The following UBTD2 variants were observed in gnomAD, a reference collection of about 807,000 sequenced individuals.
UBTD2 encodes ubiquitin domain containing 2.
Under a neutral mutation model 19.8 loss-of-function variants are expected in UBTD2, and 9 were observed. The observed-to-expected ratio is 0.46, with a 90% confidence interval of 0.27 to 0.79. The LOEUF (loss-of-function observed/expected upper bound fraction) is 0.79, where lower values mean the gene tolerates loss of function less well. Among genes scored for constraint, UBTD2 ranks in the 30% least tolerant of loss-of-function variants. UBTD2 has a pLI of 0.14. For missense variants in UBTD2, 250 were observed against 300.4 expected (o/e 0.83, Z 1.24); for synonymous variants, 98 against 103.9 (o/e 0.94, Z 0.35).
chr5:172,232,709 A>G (rs1771927363), intron 2 of UBTD2, among the ~76,000 whole-genome samples: 1 of 152,066 alleles, frequency 6.6e-6, no homozygotes, highest in Non-Finnish European at 1.5e-5. Context: ...AAACAAAACA[A>G]AACAAAACAA....
chr5:172,225,314 TTC>T (rs1285703504), intron 2 of UBTD2, among the ~76,000 whole-genome samples: 1 of 152,246 alleles, frequency 6.6e-6, no homozygotes, highest in African/African-American at 2.4e-5. Context: ...GCTCAGATGT[TTC>T]TGTTTTCCTT....
At chr5:172,254,565 C>T (rs1019991889) in intron 1 of UBTD2, 2 of 631,190 alleles carry the variant, frequency 3.2e-6, no homozygotes, top group Non-Finnish European at 5.7e-6. Context: ...TTCTGTGTGT[C>T]GTCTTCTGTG....
rs1168877863 is a variant in UBTD2 at position 172,283,535 on chromosome 5, A to AGGTGGCCGGGCCT, written c.70+48_70+60dup. On this transcript the variant is annotated intron_variant, in intron 1 of 2. Coordinates refer to ENST00000393792, the MANE Select transcript of UBTD2 (RefSeq NM_152277.3). The surrounding 1 kb of genome is among the most constrained non-coding windows in gnomAD (Gnocchi z 4.3). Reference sequence around the variant, plus strand: ...CGGCGCGGCCCGCGGGGGTCGGGACAGGTGGCCGGGCCTGGCCGGGAACAA... The same window carrying AGGTGGCCGGGCCT: ...CGGCGCGGCCCGCGGGGGTCGGGACAGGTGGCCGGGCCTGGTGGCCGGGCCTGGCCGGGAACAA... The AGGTGGCCGGGCCT allele has an allele frequency of 8.1e-7, 1 of 1,232,692 alleles. No individual in the cohort carries two copies. Among genetic ancestry groups the AGGTGGCCGGGCCT allele is most frequent in the Non-Finnish European group, 1.0e-6 (1 of 973,440 alleles). 76.4% of individuals were successfully genotyped at this position (1,232,692 alleles called of 1,614,324 possible).
chr5:172,258,675 C>T (rs989278580), intron 1 of UBTD2, among the ~76,000 whole-genome samples: 9 of 152,224 alleles, frequency 5.9e-5, no homozygotes, highest in Admixed American at 5.9e-4. Flanking sequence ...CTTTCACTTC[C>T]CGCGTTGGCT....
intron 1 of UBTD2, among the ~76,000 whole-genome samples, chr5:172,256,061 C>T (rs1371005527): frequency 1.3e-5 from 2 of 151,896 alleles, no homozygotes; most frequent in Non-Finnish European, 2.9e-5. Context: ...TGCACTCCAG[C>T]CTGGGCAATA....
intron 2 of UBTD2, among the ~76,000 whole-genome samples, chr5:172,222,534 A>G (rs1254555356): frequency 6.6e-6 from 1 of 152,362 alleles, no homozygotes; most frequent in East Asian, 1.9e-4. Flanking sequence ...ACAAATGGAT[A>G]CAATGAAAAT....
rs184353163 is a variant in UBTD2 at position 172,225,522 on chromosome 5, C to T, written c.307+8600G>A. On this transcript the variant is annotated intron_variant, in intron 2 of 2. Transcript: ENST00000393792. ...TATTTTTCAGCATTTAAAGGCCTCACTGTTTATCCCTCTGTGCTCTCACTC... is the reference window on the plus strand; with the variant it reads ...TATTTTTCAGCATTTAAAGGCCTCATTGTTTATCCCTCTGTGCTCTCACTC... Among the ~76,000 whole-genome samples the T allele has an allele frequency of 5.1e-4, 78 of 152,288 alleles. No individual in the cohort carries two copies. In the East Asian group the frequency reaches 0.013, roughly 25 times the overall value.
chr5:172,253,229 TC>T (rs1307902913), intron 1 of UBTD2, among the ~76,000 whole-genome samples: 4 of 152,068 alleles, frequency 2.6e-5, no homozygotes, highest in Non-Finnish European at 5.9e-5. Flanking sequence ...ATGACTACGA[TC>T]ATTACAAAAT....
chr5:172,235,004 T>G (rs1472551023), intron 1 of UBTD2, among the ~76,000 whole-genome samples: 1 of 152,210 alleles, frequency 6.6e-6, no homozygotes, highest in African/African-American at 2.4e-5. Context: ...AAGGAGGCTA[T>G]GTATGTGTAG....
rs1175413571 is a variant in UBTD2 at position 172,241,413 on chromosome 5, TAAA to T, written c.71-7058_71-7056del. 4.4e-4 allele frequency among the ~76,000 whole-genome samples: 52 copies of T among 118,250 alleles called. 1 individual carries two copies. The highest frequency in any genetic ancestry group is 1.3e-3 in the African/African-American group (42 of 32,486). The allele number at this position is 118,250 out of a possible 152,430, so 77.6% of individuals were successfully genotyped here. A position where few individuals can be genotyped will look rare whatever the true frequency, so the allele number is the denominator to read the frequency against. ...GACAAGAATGAAACTCTGTCTCAAT[TAAA>T]AAAAAAAAAAAAAAAAAGATGCCCA... On this transcript the variant is annotated intron_variant, in intron 1 of 2. Coordinates refer to ENST00000393792, the MANE Select transcript of UBTD2 (RefSeq NM_152277.3).
chr5:172,248,401 A>T (rs565902345), intron 1 of UBTD2, among the ~76,000 whole-genome samples: 2 of 152,260 alleles, frequency 1.3e-5, no homozygotes, highest in Non-Finnish European at 2.9e-5. Context: ...CAGCCTGGGC[A>T]ATATGGTGAA....
At chr5:172,269,124 T>C (rs138939705) in intron 1 of UBTD2, among the ~76,000 whole-genome samples, 73 of 152,318 alleles carry the variant, frequency 4.8e-4, no homozygotes, top group Admixed American at 8.5e-4. Context: ...ATTTGTTTAA[T>C]ATAGGTGACA....
intron 2 of UBTD2, among the ~76,000 whole-genome samples, chr5:172,218,600 T>C (rs1382583686): frequency 2.0e-5 from 3 of 151,322 alleles, no homozygotes; most frequent in African/African-American, 7.3e-5. Flanking sequence ...CTGGGTAACA[T>C]GCACAAAAAA....
chr5:172,231,106 A>T (rs757139054), intron 2 of UBTD2, among the ~76,000 whole-genome samples: 1 of 152,082 alleles, frequency 6.6e-6, no homozygotes, highest in Non-Finnish European at 1.5e-5. Flanking sequence ...CAAACATGTA[A>T]TTACACAAAA....
intron 1 of UBTD2, among the ~76,000 whole-genome samples, chr5:172,255,641 G>GCTA (rs1755127774): frequency 6.6e-6 from 1 of 152,134 alleles, no homozygotes; most frequent in Admixed American, 6.5e-5. Flanking sequence ...CTGGGGCCCG[G>GCTA]CTACACGAGG....
chr5:172,249,996 G>C (rs1476104239), intron 1 of UBTD2, among the ~76,000 whole-genome samples: 1 of 152,170 alleles, frequency 6.6e-6, no homozygotes, highest in Non-Finnish European at 1.5e-5. Context: ...GCCAAGGTGG[G>C]TTGATCATCT....
chr5:172,256,530 CT>C (rs11324235), intron 1 of UBTD2, among the ~76,000 whole-genome samples: 56,699 of 141,938 alleles, frequency 0.4, 11,707 homozygotes, highest in African/African-American at 0.56. Context: ...CCATGCCCAG[CT>C]TTTTTTTTTT....
At chr5:172,262,671 C>G (rs1755295106) in intron 1 of UBTD2, among the ~76,000 whole-genome samples, 1 of 150,806 alleles carries the variant, frequency 6.6e-6, no homozygotes, top group South Asian at 2.1e-4. Context: ...AAAAATTAGC[C>G]AGGCGTGGTG....
chr5:172,239,599 T>C (rs1772082847), intron 1 of UBTD2, among the ~76,000 whole-genome samples: 1 of 151,958 alleles, frequency 6.6e-6, no homozygotes, highest in Admixed American at 6.5e-5. Flanking sequence ...TTTTATATTT[T>C]TAGTAGAGAC....
Sources: gnomAD v4.1 joint callset for allele counts (sites outside exome capture counted in the v4.1 genomes callset) on GRCh38, gnomAD v4.1.1 for gene constraint, Gnocchi (gnomAD v3.1) non-coding constraint, MANE v1.5 for transcripts, NCBI Gene and HGNC (gene_info 2026-07-23, HGNC 2026-07-21) for gene names.